The following CDKL3 variants were observed in gnomAD, a reference collection of about 807,000 sequenced individuals.
CDKL3 encodes the protein cyclin-dependent kinase-like 3.
CDKL3 carries 65 observed loss-of-function variants against 69.3 expected under a neutral mutation model. That is an observed-to-expected ratio of 0.94 (90% CI 0.77 to 1.15). The LOEUF is 1.15. Among genes scored for constraint, CDKL3 ranks in the 50% most tolerant of loss-of-function variants. CDKL3 has a pLI of 0.00. For synonymous variants in CDKL3, 202 were observed against 221.6 expected, an observed-to-expected ratio of 0.91 and a Z score of 0.79; for missense variants, 652 against 689.2, an observed-to-expected ratio of 0.95 and a Z score of 0.61.
intron 4 of CDKL3, among the ~76,000 whole-genome samples, chr5:134,346,029 C>G (rs111804381): frequency 6.6e-6 from 1 of 152,278 alleles, no homozygotes; most frequent in African/African-American, 2.4e-5. Flanking sequence ...CTTTCTCCCC[C>G]AAGGTGTATC....
intron 8 of CDKL3, among the ~76,000 whole-genome samples, chr5:134,289,637 C>T (rs117289534): frequency 2.0e-5 from 3 of 152,304 alleles, no homozygotes; most frequent in East Asian, 1.9e-4. Flanking sequence ...TACATTAGTT[C>T]GTCCAACAGG....
chr5:134,354,197 C>A (rs967651924), intron 3 of CDKL3, among the ~76,000 whole-genome samples: 2 of 152,180 alleles, frequency 1.3e-5, no homozygotes, highest in Non-Finnish European at 1.5e-5. Flanking sequence ...TTGTCTGAAA[C>A]CCCCACTAAA....
chr5:134,320,413 A>G (rs1277086492), intron 5 of CDKL3, among the ~76,000 whole-genome samples: 2 of 152,012 alleles, frequency 1.3e-5, no homozygotes, highest in Non-Finnish European at 2.9e-5. Flanking sequence ...CCGCGGCTGC[A>G]CTAAAAACGC....
At chr5:134,305,095 A>G (rs1305049853) in intron 10 of CDKL3, among the ~76,000 whole-genome samples, 1 of 151,730 alleles carries the variant, frequency 6.6e-6, no homozygotes, top group Non-Finnish European at 1.5e-5. Flanking sequence ...AACATGAGCC[A>G]CTGCATCTGG....
chr5:134,310,909 A>C (rs1448069442), intron 7 of CDKL3, among the ~76,000 whole-genome samples: 2 of 152,244 alleles, frequency 1.3e-5, no homozygotes, highest in African/African-American at 4.8e-5. Flanking sequence ...CTCCAATAGC[A>C]GTTCCTGGAC....
At chr5:134,304,666 A>G (rs1767259885) in intron 10 of CDKL3, 99 bp from the exon 11 acceptor site, 3 of 797,538 alleles carry the variant, frequency 3.8e-6, no homozygotes, top group Non-Finnish European at 3.7e-6. Context: ...TAAGATAGAC[A>G]TAACAATTAA....
intron 8 of CDKL3, among the ~76,000 whole-genome samples, chr5:134,288,079 A>G (rs1046493476): frequency 2.6e-5 from 4 of 152,118 alleles, no homozygotes; most frequent in Non-Finnish European, 4.4e-5. Context: ...TTTTTAGTAC[A>G]GATGGGGTTT....
At chr5:134,302,793 G>C in intron 11 of CDKL3, 106 bp from the exon 12 acceptor site, 1 of 596,054 alleles carries the variant, frequency 1.7e-6, no homozygotes, top group Admixed American at 3.5e-5. Context: ...CAGTTTCTCA[G>C]TTTATTACAA....
rs572525738 is a variant in CDKL3, at chr5:134,327,128, T to C, written c.540-5225A>G. On this transcript the variant is annotated intron_variant, in intron 4 of 12. Coordinates refer to ENST00000265334, the MANE Select transcript of CDKL3 (RefSeq NM_001113575.2). Reference sequence around the variant, plus strand: ...TTCTCATTATTCTCCCAGCTGCCTGTTGCTGAGGCTAAGTTCTGGGTGATT... The same window carrying C: ...TTCTCATTATTCTCCCAGCTGCCTGCTGCTGAGGCTAAGTTCTGGGTGATT... Among the ~76,000 whole-genome samples, 28 of 152,096 alleles carry C rather than the reference T, an allele frequency of 1.8e-4. 1 individual carries two copies. The highest frequency in any genetic ancestry group is 3.2e-4 in the Non-Finnish European group (22 of 68,006).
downstream of CDKL3, among the ~76,000 whole-genome samples, chr5:134,293,736 G>C (rs1160541345): frequency 6.6e-6 from 1 of 151,906 alleles, no homozygotes; most frequent in African/African-American, 2.4e-5. Context: ...GGAGTTCAAG[G>C]CTGCAGTGAG....
downstream of CDKL3, among the ~76,000 whole-genome samples, chr5:134,293,751 G>C (rs1374870125): frequency 6.6e-6 from 1 of 152,054 alleles, no homozygotes; most frequent in East Asian, 1.9e-4. Flanking sequence ...AGTGAGCTAT[G>C]ATTGTGCCAC....
At chr5:134,296,471 T>C (rs2085443), downstream of CDKL3, among the ~76,000 whole-genome samples, 22,849 of 152,144 alleles carry the variant, frequency 0.15, 2,158 homozygotes, top group African/African-American at 0.27. Flanking sequence ...ACATGTGCAA[T>C]GGGCAAACAC....
intron 7 of CDKL3, among the ~76,000 whole-genome samples, chr5:134,310,879 C>CT (rs1769273331): frequency 6.6e-6 from 1 of 152,228 alleles, no homozygotes; most frequent in African/African-American, 2.4e-5. Flanking sequence ...ATTCTCTTCG[C>CT]TTTTTTCTAT....
intron 4 of CDKL3, among the ~76,000 whole-genome samples, chr5:134,333,672 C>T (rs1302489226): frequency 2.0e-5 from 3 of 152,094 alleles, no homozygotes; most frequent in Admixed American, 6.6e-5. Flanking sequence ...CTGACTTGAT[C>T]GTGGTGGATA....
At chr5:134,307,901 TAATAAGG>T in intron 9 of CDKL3, 1 of 523,662 alleles carries the variant, frequency 1.9e-6, no homozygotes, top group Non-Finnish European at 2.9e-6. Flanking sequence ...TCTTTTTTTT[TAATAAGG>T]TTTTTCAAGA....
At chr5:134,337,590 G>A (rs545492098) in intron 4 of CDKL3, among the ~76,000 whole-genome samples, 2 of 152,160 alleles carry the variant, frequency 1.3e-5, no homozygotes, top group Non-Finnish European at 2.9e-5. Context: ...AGCCAAGCCT[G>A]TAATCCCAGC....
chr5:134,314,560 A>G (rs1770494385), intron 6 of CDKL3, among the ~76,000 whole-genome samples: 1 of 152,226 alleles, frequency 6.6e-6, no homozygotes, highest in African/African-American at 2.4e-5. Context: ...CCACATGTCC[A>G]TCAACAGGGA....
At chr5:134,333,022 T>C (rs576664497) in intron 4 of CDKL3, among the ~76,000 whole-genome samples, 5 of 152,338 alleles carry the variant, frequency 3.3e-5, no homozygotes, top group South Asian at 4.1e-4. Flanking sequence ...CCCTTGTAAG[T>C]TGGATTCCTA....
At chr5:134,312,261 T>C in intron 7 of CDKL3, 31 bp downstream of exon 7, 2 of 1,359,988 alleles carry the variant, frequency 1.5e-6, no homozygotes, top group South Asian at 1.3e-5. Flanking sequence ...AAAATGCTTT[T>C]AAAAAACCCA....
Sources: allele counts gnomAD v4.1 joint callset (sites outside exome capture counted in the v4.1 genomes callset), GRCh38; gene constraint gnomAD v4.1.1; transcripts MANE v1.5; gene names NCBI Gene and HGNC (gene_info 2026-07-23, HGNC 2026-07-21).